Variants in DPF3 observed in about 807,000 individuals in gnomAD.
DPF3 encodes the protein zinc finger protein DPF3.
A neutral mutation model predicts 56.8 loss-of-function variants in DPF3; 18 were observed. The ratio of observed to expected loss-of-function variants is 0.32; its 90% CI spans 0.22 to 0.47. DPF3 has a LOEUF of 0.47. DPF3 is among the 20% of genes least tolerant of loss of function. DPF3 has a pLI of 1.00. For missense variants in DPF3, 403 were observed against 488.8 expected, an observed-to-expected ratio of 0.82 and a Z score of 1.65; for synonymous variants, 188 against 180.2, an observed-to-expected ratio of 1.04 and a Z score of -0.35.
At chr14:72,785,231 T>A (rs1892161261) in intron 1 of DPF3, among the ~76,000 whole-genome samples, 1 of 152,240 alleles carries the variant, frequency 6.6e-6, no homozygotes, top group Admixed American at 6.5e-5. Context: ...GCATAGCTAA[T>A]ATTTATTGAG....
chr14:72,842,554 G>A (rs1037037977), intron 1 of DPF3, among the ~76,000 whole-genome samples: 5 of 152,178 alleles, frequency 3.3e-5, no homozygotes, highest in Non-Finnish European at 5.9e-5. Context: ...GGTAGGGAGC[G>A]TTGGGGTGCC....
chr14:72,863,105 T>G (rs1885511714), intron 1 of DPF3, among the ~76,000 whole-genome samples: 1 of 143,532 alleles, frequency 7.0e-6, no homozygotes, highest in Non-Finnish European at 1.5e-5. Flanking sequence ...TATATATGTG[T>G]GTGTATACAT....
intron 1 of DPF3, among the ~76,000 whole-genome samples, chr14:72,893,707 G>A (rs535680160): frequency 6.6e-6 from 1 of 151,202 alleles, no homozygotes; most frequent in African/African-American, 2.4e-5. Context: ...CCCTGCCCGC[G>A]AGGCGGGGGA....
At chr14:72,807,560 T>C (rs936631650) in intron 1 of DPF3, among the ~76,000 whole-genome samples, 2 of 152,160 alleles carry the variant, frequency 1.3e-5, no homozygotes, top group Admixed American at 6.5e-5. Flanking sequence ...CCAGGTAAGC[T>C]GGGTACAGTT....
intron 1 of DPF3, among the ~76,000 whole-genome samples, chr14:72,789,961 A>C (rs763020901): frequency 1.7e-4 from 25 of 150,698 alleles, no homozygotes; most frequent in Non-Finnish European, 3.4e-4. Context: ...ATCAAAAATT[A>C]TTTTATAGGC....
chr14:72,790,963 G>A (rs1892406135), intron 1 of DPF3, among the ~76,000 whole-genome samples: 1 of 152,144 alleles, frequency 6.6e-6, no homozygotes, highest in African/African-American at 2.4e-5. Context: ...TCTGCTCCTG[G>A]TGGTCTGGGT....
At chr14:72,651,475 C>T (rs1317427473) in intron 8 of DPF3, among the ~76,000 whole-genome samples, 1 of 152,164 alleles carries the variant, frequency 6.6e-6, no homozygotes, top group Admixed American at 6.5e-5. Flanking sequence ...AGAAGGGGAG[C>T]CTCTCTAAGA....
At chr14:72,866,216 A>C (rs1173906854) in intron 1 of DPF3, among the ~76,000 whole-genome samples, 1 of 151,508 alleles carries the variant, frequency 6.6e-6, no homozygotes, top group African/African-American at 2.4e-5. Context: ...TCCCACCACC[A>C]CCTCTTCCAC....
At chr14:72,654,487 C>T (rs145884829) in intron 8 of DPF3, among the ~76,000 whole-genome samples, 2 of 152,318 alleles carry the variant, frequency 1.3e-5, no homozygotes, top group Non-Finnish European at 2.9e-5. Context: ...TCTTTCACCT[C>T]CTCCAGAACA....
At chr14:72,796,454 G>T (rs562818091) in intron 1 of DPF3, among the ~76,000 whole-genome samples, 3 of 152,254 alleles carry the variant, frequency 2.0e-5, no homozygotes, top group Non-Finnish European at 2.9e-5. Context: ...AATAAGCCAA[G>T]ATCATGCCAC....
intron 1 of DPF3, among the ~76,000 whole-genome samples, chr14:72,872,555 G>C (rs1885942679): frequency 6.6e-6 from 1 of 152,132 alleles, no homozygotes; most frequent in Non-Finnish European, 1.5e-5. Context: ...TTTCTTCACG[G>C]AATTGGAAAA....
chr14:72,788,499 A>G (rs1892304388), intron 1 of DPF3, among the ~76,000 whole-genome samples: 1 of 152,146 alleles, frequency 6.6e-6, no homozygotes, highest in Non-Finnish European at 1.5e-5. Context: ...ACAGCCATCA[A>G]TATCTCTTCG....
intron 8 of DPF3, among the ~76,000 whole-genome samples, chr14:72,637,060 G>A (rs1055971083): frequency 1.3e-5 from 2 of 152,234 alleles, no homozygotes; most frequent in Admixed American, 6.5e-5. Context: ...GCAAGCCCCA[G>A]GGGCTATTGC....
At position 72,838,908 on chromosome 14, in the gene DPF3, CTTTTTTTTTTT is replaced by C. The variant is rs376458640; in HGVS notation, c.32+55138_32+55148del. On this transcript the variant is annotated intron_variant, in intron 1 of 10. Coordinates refer to ENST00000556509, the MANE Select transcript of DPF3 (RefSeq NM_001280542.3). ...TATCATATATATTATCATATATATT[CTTTTTTTTTTT>C]TTTTTTTTTTTTTTTTTTTTGGAGA... Among the ~76,000 whole-genome samples, 774 of 78,550 alleles carry C rather than the reference CTTTTTTTTTTT, an allele frequency of 9.9e-3. 13 individuals carry two copies. Among genetic ancestry groups the C allele is most frequent in the African/African-American group, 0.05 (714 of 14,382 alleles). 51.5% of individuals were successfully genotyped at this position (78,550 alleles called of 152,430 possible).
intron 2 of DPF3, among the ~76,000 whole-genome samples, chr14:72,765,246 A>C (rs1891227662): frequency 6.6e-6 from 1 of 152,230 alleles, no homozygotes; most frequent in African/African-American, 2.4e-5. Context: ...CAAACTGACC[A>C]CACCAAGTGT....
chr14:72,644,527 A>C (rs967466641), intron 8 of DPF3, among the ~76,000 whole-genome samples: 4 of 152,232 alleles, frequency 2.6e-5, no homozygotes, highest in Non-Finnish European at 5.9e-5. Context: ...GGAATAGTAC[A>C]AGAGAAAGCA....
intron 1 of DPF3, among the ~76,000 whole-genome samples, chr14:72,849,246 G>A (rs184929114): frequency 2.3e-4 from 35 of 152,240 alleles, no homozygotes; most frequent in African/African-American, 5.3e-4. Context: ...CTCAATAGAC[G>A]CCACAGGCAC....
intron 1 of DPF3, among the ~76,000 whole-genome samples, chr14:72,775,379 C>T (rs1243753957): frequency 6.6e-6 from 1 of 152,208 alleles, no homozygotes; most frequent in Non-Finnish European, 1.5e-5. Flanking sequence ...TAACTCACTT[C>T]CAACAGCGTC....
intron 6 of DPF3, 50 bp from the exon 7 acceptor site, chr14:72,693,263 G>A: frequency 7.6e-6 from 12 of 1,586,022 alleles, no homozygotes; most frequent in Non-Finnish European, 9.5e-6. Flanking sequence ...TTAGCAACCT[G>A]TGCAGCCACC....
Sources: gnomAD v4.1 joint callset for allele counts (sites outside exome capture counted in the v4.1 genomes callset) on GRCh38, gnomAD v4.1.1 for gene constraint, MANE v1.5 for transcripts, NCBI Gene and HGNC (gene_info 2026-07-23, HGNC 2026-07-21) for gene names.